Variants in PCDH11X observed in about 807,000 individuals in gnomAD.
The protein encoded by PCDH11X is protocadherin-11 X-linked.
In PCDH11X, 18 loss-of-function variants were observed where a neutral mutation model predicts 53.3. The observed-to-expected ratio is 0.34, with a 90% CI of 0.23 to 0.50. PCDH11X has a LOEUF of 0.50. Among genes scored for constraint, PCDH11X ranks in the 20% least tolerant of loss-of-function variants. PCDH11X has a pLI of 0.98. For synonymous variants in PCDH11X, 279 were observed against 393.3 expected, an observed-to-expected ratio of 0.71 and a Z score of 3.44; for missense variants, 570 against 1,032.4, an observed-to-expected ratio of 0.55 and a Z score of 6.14.
intron 6 of PCDH11X, among the ~76,000 whole-genome samples, chrX:91,962,017 G>A (rs1434250242): frequency 9.3e-6 from 1 of 107,636 alleles, no homozygotes; most frequent in African/African-American, 3.4e-5. Context: ...CATGACACAT[G>A]GGGATTATGG....
chrX:92,535,416 T>C (rs2074639721), intron 10 of PCDH11X, among the ~76,000 whole-genome samples: 1 of 110,589 alleles, frequency 9.0e-6, no homozygotes, highest in African/African-American at 3.3e-5. Context: ...CAAACTAACA[T>C]GGGAACAGAA....
chrX:91,907,514 T>A (rs1941226827), intron 6 of PCDH11X, among the ~76,000 whole-genome samples: 1 of 106,760 alleles, frequency 9.4e-6, no homozygotes, highest in African/African-American at 3.4e-5. Flanking sequence ...CTACCAATGG[T>A]TTTCAATTTA....
At position 92,468,355 on chromosome X, in the gene PCDH11X, G is replaced by A. The variant is rs1229240917; in HGVS notation, c.3367+33G>A. On this transcript the variant is annotated intron_variant, in intron 10 of 10. Coordinates refer to ENST00000682573, the MANE Select transcript of PCDH11X (RefSeq NM_032968.5). ...AGAAATCAACACAAACCATCACCAT[G>A]TTGCATGTTTCATTTTAAAATGCAG... The A allele has an allele frequency of 6.0e-6, 7 of 1,164,842 alleles. No individual in the cohort carries two copies. In the Admixed American group the frequency reaches 9.8e-5, roughly 16 times the overall value.
chrX:91,860,681 G>T (rs1455197000), intron 5 of PCDH11X, among the ~76,000 whole-genome samples: 1 of 111,783 alleles, frequency 8.9e-6, no homozygotes, highest in African/African-American at 3.3e-5. Context: ...AAGTGTTGTT[G>T]AATTTTATTG....
intron 10 of PCDH11X, among the ~76,000 whole-genome samples, chrX:92,579,475 G>A (rs1453236941): frequency 1.8e-5 from 2 of 109,748 alleles, no homozygotes; most frequent in Admixed American, 2.0e-4. Context: ...AATCTTGTCT[G>A]CCTGTCTAAT....
At chrX:92,197,498 A>C (rs1429462602) in intron 6 of PCDH11X, among the ~76,000 whole-genome samples, 1 of 112,202 alleles carries the variant, frequency 8.9e-6, no homozygotes, top group Admixed American at 9.5e-5. Flanking sequence ...AGTTTTGATG[A>C]ATGTTATTTC....
chrX:91,887,467 T>G, intron 6 of PCDH11X, among the ~76,000 whole-genome samples: 1 of 111,698 alleles, frequency 9.0e-6, no homozygotes, highest in South Asian at 3.7e-4. Context: ...CATGACATCT[T>G]TGGTTTAATG....
intron 9 of PCDH11X, among the ~76,000 whole-genome samples, chrX:92,393,529 C>T (rs140337897): frequency 3.7e-3 from 411 of 110,559 alleles, no homozygotes; most frequent in African/African-American, 0.012. Flanking sequence ...CATTGCCTTG[C>T]CAACAGAAAA....
chrX:92,479,515 T>A (rs1423583523), intron 10 of PCDH11X, among the ~76,000 whole-genome samples: 2 of 106,152 alleles, frequency 1.9e-5, no homozygotes, highest in African/African-American at 3.4e-5. Flanking sequence ...CTTTCCATAT[T>A]TAGTGCTTCT....
At chrX:92,055,985 T>C (rs1264055998) in intron 6 of PCDH11X, among the ~76,000 whole-genome samples, 1 of 109,861 alleles carries the variant, frequency 9.1e-6, no homozygotes, top group Non-Finnish European at 1.9e-5. Flanking sequence ...GTCTTTGCTA[T>C]TGTAGTGAAC....
At chrX:92,277,298 A>T (rs1321027636) in intron 8 of PCDH11X, among the ~76,000 whole-genome samples, 1 of 111,465 alleles carries the variant, frequency 9.0e-6, no homozygotes, top group Non-Finnish European at 1.9e-5. Flanking sequence ...ATTTTAAAAC[A>T]AGAATTATTT....
intron 8 of PCDH11X, among the ~76,000 whole-genome samples, chrX:92,264,960 A>C (rs2067795442): frequency 9.5e-6 from 1 of 105,243 alleles, no homozygotes; most frequent in Non-Finnish European, 1.9e-5. Flanking sequence ...AGAATATTGC[A>C]ATAGGGAGAA....
intron 1 of PCDH11X, among the ~76,000 whole-genome samples, chrX:91,799,827 G>A (rs1168167669): frequency 8.9e-6 from 1 of 112,123 alleles, no homozygotes; most frequent in Admixed American, 9.4e-5. Flanking sequence ...GCTCCCGCCT[G>A]TAATTGATCC....
At chrX:92,618,157 C>A (rs1010032524) in intron 10 of PCDH11X, 107 bp from the exon 11 acceptor site, 17 of 1,012,098 alleles carry the variant, frequency 1.7e-5, no homozygotes, top group Non-Finnish European at 2.3e-5. Context: ...GTCTTTAATG[C>A]ATTTGTATAT....
chrX:92,369,421 C>G (rs1041108026), intron 8 of PCDH11X, among the ~76,000 whole-genome samples: 1 of 111,735 alleles, frequency 8.9e-6, no homozygotes, highest in Non-Finnish European at 1.9e-5. Flanking sequence ...GTGAGAATTT[C>G]AAGCCAGTGA....
At chrX:92,557,348 T>A (rs1401903749) in intron 10 of PCDH11X, among the ~76,000 whole-genome samples, 3 of 110,590 alleles carry the variant, frequency 2.7e-5, no homozygotes, top group Non-Finnish European at 5.7e-5. Context: ...TGCTTCCTCT[T>A]AATGCTTTGC....
intron 6 of PCDH11X, among the ~76,000 whole-genome samples, chrX:92,108,013 CT>C (rs2064423628): frequency 1.8e-5 from 2 of 111,961 alleles, no homozygotes; most frequent in African/African-American, 6.5e-5. Context: ...AAATATAGTT[CT>C]GATATAAAGA....
intron 6 of PCDH11X, among the ~76,000 whole-genome samples, chrX:91,937,090 A>G (rs1257051515): frequency 9.1e-6 from 1 of 109,683 alleles, no homozygotes; most frequent in Non-Finnish European, 1.9e-5. Context: ...CTATATACAG[A>G]TTTTGTGAGT....
intron 6 of PCDH11X, among the ~76,000 whole-genome samples, chrX:92,058,391 C>T (rs2063482184): frequency 9.1e-6 from 1 of 110,211 alleles, no homozygotes; most frequent in Non-Finnish European, 1.9e-5. Flanking sequence ...GCACATGTAC[C>T]TTCTGAATCT....
Sources: allele counts gnomAD v4.1 joint callset (sites outside exome capture counted in the v4.1 genomes callset), GRCh38; gene constraint gnomAD v4.1.1; transcripts MANE v1.5; gene names NCBI Gene and HGNC (gene_info 2026-07-23, HGNC 2026-07-21).